Variants in NEO1 observed in about 807,000 individuals in gnomAD.
NEO1 encodes the protein neogenin 1.
A neutral mutation model predicts 159.7 loss-of-function variants in NEO1; 63 were observed. That is an observed-to-expected ratio of 0.39 (90% confidence interval 0.32 to 0.49). The LOEUF (loss-of-function observed/expected upper bound fraction) is 0.49, where lower values mean the gene tolerates loss of function less well. Ranked by LOEUF, NEO1 falls within the 20% of genes least tolerant of loss-of-function variation. NEO1 has a pLI of 0.85. For synonymous variants in NEO1, 633 were observed against 662.0 expected, an observed-to-expected ratio of 0.96 and a Z score of 0.67; for missense variants, 1,615 against 1,831.0, an observed-to-expected ratio of 0.88 and a Z score of 2.15.
intron 1 of NEO1, among the ~76,000 whole-genome samples, chr15:73,094,475 T>G (rs1421217049): frequency 6.6e-6 from 1 of 152,236 alleles, no homozygotes; most frequent in East Asian, 1.9e-4. Context: ...TGAAGGACAT[T>G]GGTTTATTTG....
intron 13 of NEO1, 21 bp from the exon 14 acceptor site, chr15:73,258,745 T>C: frequency 3.1e-6 from 5 of 1,594,210 alleles, no homozygotes; most frequent in Non-Finnish European, 4.3e-6. Flanking sequence ...TTCAGTTGTC[T>C]TCTTTGTCAT....
At chr15:73,088,887 A>G (rs2069519104) in intron 1 of NEO1, among the ~76,000 whole-genome samples, 1 of 152,104 alleles carries the variant, frequency 6.6e-6, no homozygotes, top group Non-Finnish European at 1.5e-5. Context: ...AACTCCTAAG[A>G]AGAAGGAAGA....
At chr15:73,197,168 T>G (rs549173723) in intron 7 of NEO1, among the ~76,000 whole-genome samples, 1 of 152,236 alleles carries the variant, frequency 6.6e-6, no homozygotes, top group Admixed American at 6.5e-5. Context: ...GAGACCAGCC[T>G]GGGCAGTATG....
intron 1 of NEO1, among the ~76,000 whole-genome samples, chr15:73,066,795 C>T (rs372405571): frequency 1.6e-4 from 24 of 152,310 alleles, no homozygotes; most frequent in Admixed American, 5.2e-4. Flanking sequence ...TTGGGTCTGT[C>T]GAAAGCTATG....
At chr15:73,131,501 G>A (rs972390671) in intron 4 of NEO1, among the ~76,000 whole-genome samples, 3 of 151,962 alleles carry the variant, frequency 2.0e-5, no homozygotes, top group African/African-American at 4.8e-5. Context: ...TTTCTTCTCC[G>A]TTTCTTTATC....
intron 9 of NEO1, among the ~76,000 whole-genome samples, chr15:73,244,763 C>A (rs564373855): frequency 6.6e-6 from 1 of 151,664 alleles, no homozygotes; most frequent in South Asian, 2.1e-4. Flanking sequence ...CCAGCCTGGC[C>A]AACATGGTGA....
chr15:73,077,156 G>A (rs752071435), intron 1 of NEO1, among the ~76,000 whole-genome samples: 16 of 152,234 alleles, frequency 1.1e-4, no homozygotes, highest in African/African-American at 3.6e-4. Context: ...TGATTCTCCT[G>A]CCTCAGCCTC....
chr15:73,199,522 AT>A (rs2036739912), intron 7 of NEO1, among the ~76,000 whole-genome samples: 1 of 151,984 alleles, frequency 6.6e-6, no homozygotes, highest in African/African-American at 2.4e-5. Flanking sequence ...ATCCTTCCCC[AT>A]TTACTCATTT....
At chr15:73,059,982 A>G (rs938214460) in intron 1 of NEO1, among the ~76,000 whole-genome samples, 1 of 152,116 alleles carries the variant, frequency 6.6e-6, no homozygotes, top group Non-Finnish European at 1.5e-5. Context: ...GAATTTTTGT[A>G]ATGATACTAT....
chr15:73,251,770 C>T (rs935588343), intron 11 of NEO1, among the ~76,000 whole-genome samples: 3 of 152,120 alleles, frequency 2.0e-5, no homozygotes, highest in Non-Finnish European at 2.9e-5. Flanking sequence ...TTTGGAATAA[C>T]GCAAATCTTG....
chr15:73,244,954 CAAAAAAAAAAA>C (rs57566986), intron 9 of NEO1, among the ~76,000 whole-genome samples: 336 of 16,520 alleles, frequency 0.02, 7 homozygotes, highest in African/African-American at 0.064. Context: ...GACTCTGTCT[CAAAAAAAAAAA>C]AAAAAAAAAA....
Position 73,122,627 on chromosome 15 carries a change from G to T in NEO1, c.551G>T (p.Arg184Met), listed in dbSNP as rs1343191036. The T allele has an allele frequency of 6.2e-7, 1 of 1,614,024 alleles. No individual in the cohort carries two copies. Among genetic ancestry groups the T allele is most frequent in the Non-Finnish European group, 8.5e-7 (1 of 1,180,034 alleles). Residue 184 changes from arginine to methionine, a missense_variant, in exon 3 of 29, where the codon AGG becomes ATG. Physicochemically the swap from Arg to Met is moderately conservative, Grantham distance 91. Around this residue, in one of 3 missense-constraint regions of NEO1, gnomAD observed 1,018 missense variants for 1,115.4 expected, o/e 0.91. Coordinates refer to ENST00000261908, the MANE Select transcript of NEO1 (RefSeq NM_002499.4). ...AATGCAGATTTGGTCCCATTTGTGA[G>T]GTGGGAACAGAACAGACAACCCCTT... ...EVNADLVPFVRWEQNRQPLLL... is the reference protein window; with the variant it reads ...EVNADLVPFVMWEQNRQPLLL...
At chr15:73,269,117 C>T (rs1371168328) in intron 16 of NEO1, among the ~76,000 whole-genome samples, 2 of 152,190 alleles carry the variant, frequency 1.3e-5, no homozygotes, top group African/African-American at 4.8e-5. Context: ...AGACCCAGGA[C>T]ATCAGGAGGT....
intron 1 of NEO1, among the ~76,000 whole-genome samples, chr15:73,063,878 A>G (rs2068086641): frequency 6.6e-6 from 1 of 152,128 alleles, no homozygotes; most frequent in South Asian, 2.1e-4. Flanking sequence ...ATGAAAATTA[A>G]CTTTATTATT....
chr15:73,092,951 C>A lies in NEO1; in HGVS notation c.131-23589C>A, dbSNP rs118004835. Among the ~76,000 whole-genome samples, 163 of 151,858 alleles carry A rather than the reference C, an allele frequency of 1.1e-3. 4 individuals carry two copies. The East Asian group carries it at 0.026, about 24-fold the overall frequency. On this transcript the variant is annotated intron_variant, in intron 1 of 28. Transcript: ENST00000261908. ...TAACCTAATGTCCTTTTTTTCTGTTCCAGAATCCCATCCAGCATACCATAT... is the reference window on the plus strand; with the variant it reads ...TAACCTAATGTCCTTTTTTTCTGTTACAGAATCCCATCCAGCATACCATAT...
intron 28 of NEO1, among the ~76,000 whole-genome samples, chr15:73,301,737 G>A (rs549577846): frequency 1.3e-4 from 19 of 151,694 alleles, no homozygotes; most frequent in Admixed American, 7.2e-4. Flanking sequence ...GCATGATCTC[G>A]GCTCACTACA....
chr15:73,274,661 G>A lies in NEO1; in HGVS notation c.3161-31G>A, dbSNP rs113103173. ...TTCAAAGCTTGTGATCCTTGCTCTT[G>A]TTTTTTCTTCCCCTGTGCTTGGCCT... is the stretch of plus-strand genomic sequence containing the variant. On this transcript the variant is annotated intron_variant, in intron 20 of 28. Coordinates refer to ENST00000261908, the MANE Select transcript of NEO1 (RefSeq NM_002499.4). 2.8e-4 allele frequency: 444 copies of A among 1,612,414 alleles called. 1 individual carries two copies. In the African/African-American group the frequency reaches 5.2e-3, roughly 19 times the overall value.
intron 7 of NEO1, among the ~76,000 whole-genome samples, chr15:73,197,236 G>T (rs1051505579): frequency 5.9e-5 from 9 of 152,104 alleles, no homozygotes; most frequent in Non-Finnish European, 1.2e-4. Flanking sequence ...GCACGTTCCT[G>T]TAGTCCCAGC....
intron 22 of NEO1, among the ~76,000 whole-genome samples, chr15:73,280,511 C>G (rs1189178258): frequency 1.3e-5 from 2 of 152,122 alleles, no homozygotes; most frequent in Non-Finnish European, 2.9e-5. Flanking sequence ...CATACTTCAG[C>G]TCCCCAGCCT....
Sources: allele counts gnomAD v4.1 joint callset (sites outside exome capture counted in the v4.1 genomes callset), GRCh38; gene constraint gnomAD v4.1.1; regional missense constraint gnomAD v4.1.1; transcripts MANE v1.5; gene names NCBI Gene and HGNC (gene_info 2026-07-23, HGNC 2026-07-21).